Variants in CEP112 observed in about 807,000 individuals in gnomAD.
CEP112 encodes centrosomal protein of 112 kDa.
CEP112 carries 127 observed loss-of-function variants against 153.0 expected under a neutral mutation model. The ratio of observed to expected loss-of-function variants is 0.83; its 90% confidence interval spans 0.72 to 0.96. The LOEUF (loss-of-function observed/expected upper bound fraction) is 0.96. Among genes scored for constraint, CEP112 ranks in the 40% least tolerant of loss-of-function variants. CEP112 has a pLI of 0.00. For synonymous variants in CEP112, 358 were observed against 374.4 expected (o/e 0.96, Z 0.51); for missense variants, 1,089 against 1,101.2 (o/e 0.99, Z 0.16).
chr17:66,116,255 C>A (rs906928742), intron 6 of CEP112, among the ~76,000 whole-genome samples: 1 of 151,698 alleles, frequency 6.6e-6, no homozygotes, highest in African/African-American at 2.4e-5. Flanking sequence ...GATCTCTTTT[C>A]AACAATTAAC....
intron 17 of CEP112, among the ~76,000 whole-genome samples, chr17:65,973,872 C>T (rs1308788427): frequency 1.3e-5 from 2 of 152,054 alleles, no homozygotes; most frequent in Non-Finnish European, 2.9e-5. Context: ...AAACTGTATA[C>T]TTTAAATATG....
chr17:66,017,476 GATA>G (rs1300719610), intron 16 of CEP112, among the ~76,000 whole-genome samples: 1 of 152,096 alleles, frequency 6.6e-6, no homozygotes. Flanking sequence ...TAGGACCCAG[GATA>G]ATATCTAGCC....
intron 24 of CEP112, among the ~76,000 whole-genome samples, chr17:65,658,135 A>G (rs1401929517): frequency 6.6e-6 from 1 of 152,208 alleles, no homozygotes; most frequent in East Asian, 1.9e-4. Context: ...GACATTATCT[A>G]CTCACTCCAT....
chr17:65,976,708 T>C (rs2145074944), intron 17 of CEP112, among the ~76,000 whole-genome samples: 1 of 151,462 alleles, frequency 6.6e-6, no homozygotes, highest in African/African-American at 2.4e-5. Flanking sequence ...ATTTAATCTA[T>C]TTTTTAAAGT....
chr17:65,750,557 A>G (rs2051762790), intron 22 of CEP112, 105 bp downstream of exon 22: 1 of 886,748 alleles, frequency 1.1e-6, no homozygotes, highest in Non-Finnish European at 1.8e-6. Context: ...CCACAAAAAA[A>G]AACTGAAAAG....
chr17:65,756,405 C>CAAAA (rs766476895), intron 21 of CEP112, among the ~76,000 whole-genome samples: 10 of 30,514 alleles, frequency 3.3e-4, no homozygotes, highest in Admixed American at 4.9e-4. Context: ...GACTCCGTCT[C>CAAAA]AAAAAAAAAA....
intron 22 of CEP112, among the ~76,000 whole-genome samples, chr17:65,749,645 A>G (rs1437511384): frequency 6.7e-6 from 1 of 148,844 alleles, no homozygotes; most frequent in African/African-American, 2.5e-5. Flanking sequence ...AACTTGTGTG[A>G]TCTTATCTCT....
At chr17:65,928,547 C>T (rs755835139) in intron 18 of CEP112, among the ~76,000 whole-genome samples, 1 of 152,018 alleles carries the variant, frequency 6.6e-6, no homozygotes, top group Non-Finnish European at 1.5e-5. Flanking sequence ...AATGAATAAA[C>T]AAAACGTGGT....
intron 18 of CEP112, among the ~76,000 whole-genome samples, chr17:65,937,546 C>G (rs1175798809): frequency 1.8e-5 from 2 of 109,394 alleles, no homozygotes; most frequent in Non-Finnish European, 3.8e-5. Flanking sequence ...CCCGGCCAGC[C>G]GCCCCGTCCG....
intron 21 of CEP112, among the ~76,000 whole-genome samples, chr17:65,771,877 C>T (rs960538891): frequency 6.6e-6 from 1 of 151,614 alleles, no homozygotes; most frequent in African/African-American, 2.4e-5. Flanking sequence ...AAAAATTAGC[C>T]AGGTGTGGTG....
chr17:66,000,536 T>G (rs934764268), intron 17 of CEP112, among the ~76,000 whole-genome samples: 5 of 151,414 alleles, frequency 3.3e-5, no homozygotes, highest in African/African-American at 1.2e-4. Flanking sequence ...CTTAAGTCTT[T>G]CCAAGGCATG....
chr17:65,721,104 C>T lies in CEP112; in HGVS notation c.2607+21964G>A, dbSNP rs935942987. Among the ~76,000 whole-genome samples the T allele has an allele frequency of 1.4e-4, 21 of 151,332 alleles. 1 individual carries two copies. The highest frequency in any genetic ancestry group is 2.5e-4 in the Non-Finnish European group (17 of 67,916). On this transcript the variant is annotated intron_variant, in intron 23 of 26. Coordinates refer to ENST00000535342, the MANE Select transcript of CEP112 (RefSeq NM_001199165.4). Reference sequence around the variant, plus strand: ...TCGGCTCACTGCAAGCTTCGCCTCCCGGGTTCATGCCATTCTCCTGCCTCA... The same window carrying T: ...TCGGCTCACTGCAAGCTTCGCCTCCTGGGTTCATGCCATTCTCCTGCCTCA...
At chr17:65,934,284 T>C (rs972138702) in intron 18 of CEP112, among the ~76,000 whole-genome samples, 3 of 152,228 alleles carry the variant, frequency 2.0e-5, no homozygotes, top group African/African-American at 7.2e-5. Context: ...GTACAGTTTT[T>C]ATATGCAATA....
At position 66,028,295 on chromosome 17, in the gene CEP112, T is replaced by C. The variant is rs1392145623; in HGVS notation, c.1596+18A>G. The C allele has an allele frequency of 2.8e-6, 4 of 1,447,642 alleles. No individual in the cohort carries two copies. The highest frequency in any genetic ancestry group is 2.8e-5 in the African/African-American group (2 of 70,422). The allele number at this position is 1,447,642 out of a possible 1,614,324, so 89.7% of individuals were successfully genotyped here. A position where few individuals can be genotyped will look rare whatever the true frequency, so the allele number is the denominator to read the frequency against. ...TGTGTTTGACCATTGTTCTTCTGTG[T>C]AGAAATACAAGACTCACCCTTAGTT... On this transcript the variant is annotated intron_variant, in intron 15 of 26. Coordinates refer to ENST00000535342, the MANE Select transcript of CEP112 (RefSeq NM_001199165.4).
At chr17:66,161,724 A>G (rs2071715958) in intron 4 of CEP112, among the ~76,000 whole-genome samples, 1 of 152,078 alleles carries the variant, frequency 6.6e-6, no homozygotes, top group Non-Finnish European at 1.5e-5. Flanking sequence ...GGAGAAATAC[A>G]TAATGTAGAT....
intron 17 of CEP112, among the ~76,000 whole-genome samples, chr17:65,989,217 A>G (rs1168836581): frequency 6.9e-6 from 1 of 144,528 alleles, no homozygotes; most frequent in African/African-American, 2.6e-5. Flanking sequence ...CCTGGGAGAC[A>G]GAGTGAGACT....
At chr17:65,656,212 C>G (rs944047724) in intron 24 of CEP112, among the ~76,000 whole-genome samples, 2 of 152,236 alleles carry the variant, frequency 1.3e-5, no homozygotes, top group African/African-American at 4.8e-5. Context: ...ATCCACTGGA[C>G]TTTCCCCATT....
chr17:66,058,789 C>A (rs2066809185), intron 11 of CEP112, among the ~76,000 whole-genome samples: 2 of 152,096 alleles, frequency 1.3e-5, no homozygotes, highest in Non-Finnish European at 2.9e-5. Context: ...GAGCTCAAGG[C>A]TGTGGTGAGC....
chr17:65,848,749 T>C (rs1328755960), intron 21 of CEP112, among the ~76,000 whole-genome samples: 3 of 152,190 alleles, frequency 2.0e-5, no homozygotes, highest in Non-Finnish European at 2.9e-5. Flanking sequence ...TCAGTTCAGC[T>C]TCCTCCTCCT....
Sources: gnomAD v4.1 joint callset for allele counts (sites outside exome capture counted in the v4.1 genomes callset) on GRCh38, gnomAD v4.1.1 for gene constraint, MANE v1.5 for transcripts, NCBI Gene and HGNC (gene_info 2026-07-23, HGNC 2026-07-21) for gene names.